Variants in METTL15 observed in about 807,000 individuals in gnomAD.
METTL15 encodes the protein methyltransferase 15, mitochondrial 12S rRNA N4-cytidine.
METTL15 carries 34 observed loss-of-function variants against 38.3 expected under a neutral mutation model. The observed-to-expected ratio is 0.89, with a 90% CI of 0.68 to 1.18. The LOEUF is 1.18. Ranked by LOEUF, METTL15 falls within the 50% of genes most tolerant of loss-of-function variation. The pLI is 0.00. For missense variants in METTL15, 438 were observed against 498.4 expected (o/e 0.88, Z 1.15); for synonymous variants, 162 against 170.9 (o/e 0.95, Z 0.41).
intron 3 of METTL15, among the ~76,000 whole-genome samples, chr11:28,120,530 A>T (rs1418854741): frequency 6.6e-6 from 1 of 150,618 alleles, no homozygotes; most frequent in Non-Finnish European, 1.5e-5. Flanking sequence ...TATGTGAATT[A>T]AAAAAAAACA....
At chr11:28,328,186 T>C (rs1849700048) in intron 6 of METTL15, 1 of 1,606,036 alleles carries the variant, frequency 6.2e-7, no homozygotes, top group Non-Finnish European at 8.5e-7. Context: ...GGCCTTCCTT[T>C]TCAGTTTTGA....
intron 5 of METTL15, among the ~76,000 whole-genome samples, chr11:28,373,054 A>G (rs1392994261): frequency 6.6e-6 from 1 of 152,056 alleles, no homozygotes; most frequent in Non-Finnish European, 1.5e-5. Context: ...AGTCTTTGCT[A>G]TTGTGAAAAA....
intron 6 of METTL15, 58 bp from the exon 7 acceptor site, chr11:28,330,338 A>T: frequency 7.3e-7 from 1 of 1,377,654 alleles, no homozygotes; most frequent in Non-Finnish European, 9.7e-7. Flanking sequence ...TTAGATTTAC[A>T]GTGAAAAATA....
chr11:28,320,324 G>A (rs1278899259), intron 6 of METTL15, among the ~76,000 whole-genome samples: 2 of 151,826 alleles, frequency 1.3e-5, no homozygotes, highest in South Asian at 2.1e-4. Flanking sequence ...GGGCAGCCAA[G>A]GTAGGAGGAA....
intron 3 of METTL15, among the ~76,000 whole-genome samples, chr11:28,207,038 A>G (rs1852375761): frequency 7.3e-6 from 1 of 136,312 alleles, no homozygotes; most frequent in Non-Finnish European, 1.5e-5. Context: ...TAGATATACA[A>G]TCATGTCATC....
chr11:28,330,385 A>T lies in METTL15; in HGVS notation c.779-11A>T, dbSNP rs374959611. 3 of 1,527,224 alleles carry T rather than the reference A, an allele frequency of 2.0e-6. No homozygotes were observed. The highest frequency in any genetic ancestry group is 2.6e-6 in the Non-Finnish European group (3 of 1,137,342). 94.6% of individuals were successfully genotyped at this position (1,527,224 alleles called of 1,614,324 possible). ...GGTCTTCTTTTCCTATCTTTACAAC[A>T]TTTGTTTTAGGAGCATTTCCTCCCT... On this transcript the variant is annotated splice_polypyrimidine_tract_variant and intron_variant, in intron 6 of 6. Transcript: ENST00000407364.
chr11:28,455,052 GA>G (rs1373821520), intron 6 of METTL15, among the ~76,000 whole-genome samples: 3 of 152,062 alleles, frequency 2.0e-5, no homozygotes, highest in Non-Finnish European at 4.4e-5. Context: ...GTGGGAATCG[GA>G]GTTCCAAGAT....
In METTL15 at chr11:28,377,893, A is replaced by C. The variant is rs540150043; in HGVS notation, c.*358+15857A>C. Among the ~76,000 whole-genome samples the C allele has an allele frequency of 5.3e-5, 8 of 152,022 alleles. No individual in the cohort carries two copies. The East Asian group carries it at 1.4e-3, about 26-fold the overall frequency. On this transcript the variant is annotated intron_variant and NMD_transcript_variant, in intron 5 of 7. Transcript: ENST00000532947. ...TCTAACAGACAGGACCCTCAGCTGCAGGTCTGTTGGAGTACCCTGCAGTGT... is the reference window on the plus strand; with the variant it reads ...TCTAACAGACAGGACCCTCAGCTGCCGGTCTGTTGGAGTACCCTGCAGTGT...
intron 3 of METTL15, among the ~76,000 whole-genome samples, chr11:28,152,901 G>T (rs1037041585): frequency 6.6e-6 from 1 of 151,990 alleles, no homozygotes; most frequent in Admixed American, 6.6e-5. Flanking sequence ...TTCTGGGAAA[G>T]GGGTGGGCAG....
At chr11:28,417,787 C>A in intron 5 of METTL15, among the ~76,000 whole-genome samples, 1 of 152,148 alleles carries the variant, frequency 6.6e-6, no homozygotes, top group South Asian at 2.1e-4. Flanking sequence ...TGGAACATGA[C>A]CAATGTACAG....
chr11:28,511,821 C>A (rs1312413915), intron 6 of METTL15, among the ~76,000 whole-genome samples: 1 of 152,176 alleles, frequency 6.6e-6, no homozygotes, highest in Non-Finnish European at 1.5e-5. Flanking sequence ...TGGAAGGGGA[C>A]TAGAACGGGT....
chr11:28,273,492 A>C (rs909985791), intron 4 of METTL15, among the ~76,000 whole-genome samples: 6 of 152,092 alleles, frequency 3.9e-5, no homozygotes, highest in African/African-American at 7.2e-5. Flanking sequence ...AGTTTATTAA[A>C]TCTACTATGG....
intron 6 of METTL15, among the ~76,000 whole-genome samples, chr11:28,489,583 G>A (rs1851476408): frequency 6.6e-6 from 1 of 151,980 alleles, no homozygotes; most frequent in South Asian, 2.1e-4. Context: ...CCTTAGAAAG[G>A]GAGACTGAGT....
intron 6 of METTL15, among the ~76,000 whole-genome samples, chr11:28,448,374 T>C (rs551406597): frequency 6.6e-6 from 1 of 152,342 alleles, no homozygotes; most frequent in South Asian, 2.1e-4. Flanking sequence ...TATTGAGTTC[T>C]CATTATGTGC....
At chr11:28,314,611 C>T (rs1187677807) in intron 6 of METTL15, among the ~76,000 whole-genome samples, 4 of 152,146 alleles carry the variant, frequency 2.6e-5, no homozygotes, top group Non-Finnish European at 4.4e-5. Context: ...AAGGTGACCA[C>T]CTAAATAGGT....
chr11:28,346,725 A>T (rs929711156), intron 3 of METTL15, among the ~76,000 whole-genome samples: 6 of 152,214 alleles, frequency 3.9e-5, no homozygotes, highest in African/African-American at 1.4e-4. Context: ...TACTAAATAG[A>T]AGTCAAATTT....
chr11:28,371,589 T>C (rs889937405), intron 5 of METTL15, among the ~76,000 whole-genome samples: 1 of 152,004 alleles, frequency 6.6e-6, no homozygotes, highest in Non-Finnish European at 1.5e-5. Flanking sequence ...TTGAAAGATA[T>C]TGCATTGAAT....
At chr11:28,151,787 C>T (rs546210861) in intron 3 of METTL15, among the ~76,000 whole-genome samples, 1 of 152,140 alleles carries the variant, frequency 6.6e-6, no homozygotes, top group Non-Finnish European at 1.5e-5. Flanking sequence ...ACTGTCCCTC[C>T]TTCTGTATCT....
intron 6 of METTL15, among the ~76,000 whole-genome samples, chr11:28,472,732 A>G (rs4146827): frequency 1 from 151,726 of 152,222 alleles, 75,620 homozygotes; most frequent in Middle Eastern, 1. Context: ...AGGGTATTGC[A>G]GATATTAAAT....
Sources: gnomAD v4.1 joint callset for allele counts (sites outside exome capture counted in the v4.1 genomes callset) on GRCh38, gnomAD v4.1.1 for gene constraint, MANE v1.5 for transcripts, NCBI Gene and HGNC (gene_info 2026-07-23, HGNC 2026-07-21) for gene names.